GGNBP2: variants seen among roughly 807,000 people sequenced by gnomAD.
The protein encoded by GGNBP2 is gametogenetin-binding protein 2.
Under a neutral mutation model 85.9 loss-of-function variants are expected in GGNBP2, and 10 were observed. That is an observed-to-expected ratio of 0.12 (90% CI 0.07 to 0.20). The LOEUF (loss-of-function observed/expected upper bound fraction) is 0.20. GGNBP2 is among the 10% of genes least tolerant of loss of function. GGNBP2 has a pLI of 1.00. For missense variants in GGNBP2, 595 were observed against 857.8 expected (o/e 0.69, Z 3.83); for synonymous variants, 287 against 285.7 (o/e 1.00, Z -0.05).
chr17:36,580,212 CTT>C (rs71159621), intron 8 of GGNBP2, among the ~76,000 whole-genome samples: 1 of 137,518 alleles, frequency 7.3e-6, no homozygotes. Context: ...CTTTTCTTTT[CTT>C]TTTTTTTTTT....
chr17:36,571,274 G>A (rs2074521545), intron 6 of GGNBP2, among the ~76,000 whole-genome samples: 1 of 152,102 alleles, frequency 6.6e-6, no homozygotes, highest in South Asian at 2.1e-4. Flanking sequence ...TATAAAGGCT[G>A]AGTGTGGTGG....
intron 13 of GGNBP2, among the ~76,000 whole-genome samples, chr17:36,588,437 A>G (rs959147796): frequency 6.6e-6 from 1 of 151,982 alleles, no homozygotes; most frequent in African/African-American, 2.4e-5. Context: ...TTGTATTTTT[A>G]GTAGAGATGG....
At chr17:36,573,923 G>GCATGCCCA in intron 6 of GGNBP2, among the ~76,000 whole-genome samples, 1 of 152,098 alleles carries the variant, frequency 6.6e-6, no homozygotes, top group African/African-American at 2.4e-5. Context: ...CCAGGCTGGA[G>GCATGCCCA]TGCAGTGGCA....
chr17:36,565,547 C>G (rs868314368), intron 5 of GGNBP2, among the ~76,000 whole-genome samples: 6 of 151,690 alleles, frequency 4.0e-5, no homozygotes, highest in Non-Finnish European at 5.9e-5. Context: ...ATTATGAGAG[C>G]TTGAGTTTGA....
chr17:36,588,404 T>C (rs1164814821), intron 13 of GGNBP2, among the ~76,000 whole-genome samples: 1 of 152,162 alleles, frequency 6.6e-6, no homozygotes, highest in East Asian at 1.9e-4. Context: ...ACTACAGGCT[T>C]GTGCCACCAT....
intron 2 of GGNBP2, among the ~76,000 whole-genome samples, chr17:36,553,021 CAAAAAAAAAAA>C (rs56946600): frequency 1.3e-5 from 1 of 76,232 alleles, no homozygotes; most frequent in Non-Finnish European, 2.4e-5. Context: ...GACTCTGTCT[CAAAAAAAAAAA>C]AAAAAAAAAG....
intron 6 of GGNBP2, 51 bp from the exon 7 acceptor site, chr17:36,577,932 A>G: frequency 6.9e-7 from 1 of 1,439,764 alleles, no homozygotes; most frequent in African/African-American, 1.4e-5. Context: ...ATATGCCACA[A>G]GAAATAATTG....
Position 36,545,626 on chromosome 17 carries a change from C to T in GGNBP2, c.-99C>T. 1.1e-6 allele frequency: 1 copy of T among 907,748 alleles called. No homozygotes were observed. The highest frequency in any genetic ancestry group is 1.8e-6 in the Non-Finnish European group (1 of 570,914). 56.2% of individuals were successfully genotyped at this position (907,748 alleles called of 1,614,324 possible). ...GGGGTTTGGCTGTTGCAGGCAGGAG[C>T]TGGGAGGAGGCGGCAGCGGCGGCGG... is the stretch of plus-strand genomic sequence containing the variant. On this transcript the variant is annotated 5_prime_UTR_variant, in exon 2 of 14. Coordinates refer to ENST00000613102, the MANE Select transcript of GGNBP2 (RefSeq NM_024835.5).
chr17:36,555,461 G>A (rs2074352870), intron 3 of GGNBP2, among the ~76,000 whole-genome samples: 1 of 152,198 alleles, frequency 6.6e-6, no homozygotes, highest in Admixed American at 6.5e-5. Context: ...TGGGAGGCCA[G>A]GGCAGGTGGA....
At chr17:36,545,858 C>T (rs1415301892) in intron 2 of GGNBP2, 41 bp downstream of exon 2, 2 of 1,404,906 alleles carry the variant, frequency 1.4e-6, no homozygotes, top group Non-Finnish European at 2.0e-6. Flanking sequence ...GCTCCCCTGG[C>T]AGCTGTTTCC....
rs546690342 is a variant in GGNBP2, at chr17:36,545,131, G to C, written c.-107+34G>C. 5.2e-5 allele frequency: 8 copies of C among 153,102 alleles called. No homozygotes were observed. In the East Asian group the frequency reaches 1.5e-3, roughly 30 times the overall value. 9.5% of individuals were successfully genotyped at this position (153,102 alleles called of 1,614,324 possible). ...AGGGTCTGAGCCTCCCCGTTCCCTGGACTCCGCAGAGCCGCTGCGGGGTCG... is the reference window on the plus strand; with the variant it reads ...AGGGTCTGAGCCTCCCCGTTCCCTGCACTCCGCAGAGCCGCTGCGGGGTCG... On this transcript the variant is annotated intron_variant, in intron 1 of 13. Coordinates refer to ENST00000613102, the MANE Select transcript of GGNBP2 (RefSeq NM_024835.5).
chr17:36,550,322 G>T (rs1019008956), intron 2 of GGNBP2, among the ~76,000 whole-genome samples: 15 of 147,720 alleles, frequency 1.0e-4, no homozygotes, highest in Non-Finnish European at 2.1e-4. Context: ...TTGGGGTTTT[G>T]TTTTTTTTTT....
intron 2 of GGNBP2, among the ~76,000 whole-genome samples, chr17:36,549,665 A>G (rs2074290140): frequency 6.6e-6 from 1 of 152,220 alleles, no homozygotes; most frequent in African/African-American, 2.4e-5. Flanking sequence ...ATTTCACTAA[A>G]TGTAATTTTG....
intron 6 of GGNBP2, among the ~76,000 whole-genome samples, chr17:36,572,351 C>A (rs2074534219): frequency 6.6e-6 from 1 of 151,944 alleles, no homozygotes; most frequent in Non-Finnish European, 1.5e-5. Flanking sequence ...TTTTTTCTCT[C>A]CTAAAGGAGA....
chr17:36,559,733 A>G (rs957520045), intron 4 of GGNBP2, among the ~76,000 whole-genome samples: 3 of 152,238 alleles, frequency 2.0e-5, no homozygotes, highest in Non-Finnish European at 2.9e-5. Flanking sequence ...ATTGCAGTTG[A>G]CTAAGCTAGA....
chr17:36,579,152 C>T (rs757102625), intron 7 of GGNBP2, 93 bp from the exon 8 acceptor site: 28 of 1,012,732 alleles, frequency 2.8e-5, no homozygotes, highest in Non-Finnish European at 4.1e-5. Context: ...ACTAGGTAAG[C>T]ACATTGTGTT....
chr17:36,550,409 A>C (rs1446012464), intron 2 of GGNBP2, among the ~76,000 whole-genome samples: 1 of 152,220 alleles, frequency 6.6e-6, no homozygotes, highest in African/African-American at 2.4e-5. Flanking sequence ...AAAATGATAA[A>C]TGGTGGCATA....
rs2074244165 is a variant in GGNBP2, at chr17:36,545,622, G to A, written c.-103G>A. 8 of 863,872 alleles carry A rather than the reference G, an allele frequency of 9.3e-6. 1 individual carries two copies. The Admixed American group carries it at 1.5e-4, about 17-fold the overall frequency. 53.5% of individuals were successfully genotyped at this position (863,872 alleles called of 1,614,324 possible). On this transcript the variant is annotated 5_prime_UTR_variant, in exon 2 of 14. Coordinates refer to ENST00000613102, the MANE Select transcript of GGNBP2 (RefSeq NM_024835.5). ...TCGCGGGGTTTGGCTGTTGCAGGCAGGAGCTGGGAGGAGGCGGCAGCGGCG... is the reference window on the plus strand; with the variant it reads ...TCGCGGGGTTTGGCTGTTGCAGGCAAGAGCTGGGAGGAGGCGGCAGCGGCG...
chr17:36,574,650 C>T, intron 6 of GGNBP2: 2 of 583,652 alleles, frequency 3.4e-6, no homozygotes, highest in Non-Finnish European at 6.1e-6. Context: ...CCCAGGGCGG[C>T]AGTGTAGCCC....
Sources: allele counts gnomAD v4.1 joint callset (sites outside exome capture counted in the v4.1 genomes callset), GRCh38; gene constraint gnomAD v4.1.1; transcripts MANE v1.5; gene names NCBI Gene and HGNC (gene_info 2026-07-23, HGNC 2026-07-21).